Variants in TOR3A observed in about 807,000 individuals in gnomAD.
TOR3A encodes the protein torsin family 3 member A.
In TOR3A, 44 loss-of-function variants were observed where a neutral mutation model predicts 42.1. The ratio of observed to expected loss-of-function variants is 1.04; its 90% CI spans 0.82 to 1.34. The LOEUF (loss-of-function observed/expected upper bound fraction) is 1.34, where lower values mean the gene tolerates loss of function less well. TOR3A is among the 40% of genes most tolerant of loss of function. The pLI, the probability that TOR3A is intolerant of heterozygous loss-of-function variation, is 0.00. For missense variants in TOR3A, 521 were observed against 507.6 expected (o/e 1.03, Z -0.25); for synonymous variants, 227 against 213.2 (o/e 1.06, Z -0.57).
In TOR3A at chr1:179,083,594, G is replaced by C. The variant is rs960942401; in HGVS notation, c.373+541G>C. Among the ~76,000 whole-genome samples the C allele has an allele frequency of 1.8e-4, 23 of 125,662 alleles. 3 individuals carry two copies. Among genetic ancestry groups the C allele is most frequent in the South Asian group, 3.1e-4 (1 of 3,208 alleles). The allele number at this position is 125,662 out of a possible 152,430, so 82.4% of individuals were successfully genotyped here. On this transcript the variant is annotated intron_variant, in intron 2 of 5. Transcript: ENST00000367627. Reference sequence around the variant, plus strand: ...TTTTAGTAGAGGCGGGGGGGGGGGGGGGGGGCGGGTTTCACCATGTTGGCC... The same window carrying C: ...TTTTAGTAGAGGCGGGGGGGGGGGGCGGGGGCGGGTTTCACCATGTTGGCC...
chr1:179,086,621 G>C (rs1334577805), intron 3 of TOR3A, among the ~76,000 whole-genome samples: 10 of 149,058 alleles, frequency 6.7e-5, no homozygotes, highest in Admixed American at 3.4e-4. Flanking sequence ...AGCCGAGATC[G>C]TGCCGCTGCA....
chr1:179,086,863 C>T (rs1002243785), intron 3 of TOR3A, among the ~76,000 whole-genome samples: 12 of 152,130 alleles, frequency 7.9e-5, no homozygotes. Flanking sequence ...ATTGACTGCA[C>T]CTGTCTTTGG....
intron 2 of TOR3A, among the ~76,000 whole-genome samples, chr1:179,084,679 C>A (rs1223049938): frequency 1.3e-5 from 2 of 152,160 alleles, no homozygotes; most frequent in Non-Finnish European, 2.9e-5. Flanking sequence ...ATGTGTGATG[C>A]CCTCAATGTT....
At chr1:179,088,859 T>C (rs1461065671) in intron 4 of TOR3A, among the ~76,000 whole-genome samples, 1 of 152,200 alleles carries the variant, frequency 6.6e-6, no homozygotes, top group Non-Finnish European at 1.5e-5. Context: ...TGGGCCCTTG[T>C]TGACCCAATT....
chr1:179,092,489 C>CT (rs1311774064), intron 4 of TOR3A, among the ~76,000 whole-genome samples: 1 of 152,154 alleles, frequency 6.6e-6, no homozygotes, highest in Non-Finnish European at 1.5e-5. Flanking sequence ...CTTTGGGAGA[C>CT]TGAGGTGGGA....
At position 179,082,142 on chromosome 1, in the gene TOR3A, C is replaced by T. The variant is rs765829637; in HGVS notation, c.14C>T (p.Pro5Leu). 4 of 1,504,488 alleles carry T rather than the reference C, an allele frequency of 2.7e-6. No individual in the cohort carries two copies. The Admixed American group carries it at 6.3e-5, about 24-fold the overall frequency. The allele number at this position is 1,504,488 out of a possible 1,614,324, so 93.2% of individuals were successfully genotyped here. Residue 5 changes from proline to leucine, a missense_variant, in exon 1 of 6, where the codon CCG becomes CTG. By Grantham distance (98) the Pro-to-Leu change is moderately conservative (BLOSUM62 -3). Transcript: ENST00000367627. ...TCGGGGCCGGCCATGCTTCGCGGTC[C>T]GTGGCGCCAGCTTTGGCTCTTTTTC... Reference protein sequence around the residue: MLRGPWRQLWLFFLL... With the variant: MLRGLWRQLWLFFLL...
Position 179,083,054 on chromosome 1 carries a change from G to T in TOR3A, c.373+1G>T, listed in dbSNP as rs771712327. On this transcript the variant is annotated splice_donor_variant, in intron 2 of 5. Coordinates refer to ENST00000367627, the MANE Select transcript of TOR3A (RefSeq NM_022371.4). LOFTEE classifies it high-confidence loss of function. The stretch of plus-strand genomic sequence containing the variant: ...TGCAGAATCTCCAACAACTTTACAG[G>T]TTGGACCCCGCATGGCTTCAAGGGG... The T allele has an allele frequency of 4.0e-6, 6 of 1,514,570 alleles. No individual in the cohort carries two copies. Among genetic ancestry groups the T allele is most frequent in the South Asian group, 1.3e-5 (1 of 75,552 alleles). 93.8% of individuals were successfully genotyped at this position (1,514,570 alleles called of 1,614,324 possible).
intron 5 of TOR3A, 98 bp from the exon 6 acceptor site, chr1:179,094,870 C>G: frequency 1.7e-6 from 2 of 1,189,260 alleles, no homozygotes; most frequent in Non-Finnish European, 1.2e-6. Context: ...AGAGCAAGCC[C>G]CTGTTTCAAA....
intron 4 of TOR3A, among the ~76,000 whole-genome samples, chr1:179,089,106 G>A (rs890869877): frequency 6.6e-6 from 1 of 152,136 alleles, no homozygotes; most frequent in Non-Finnish European, 1.5e-5. Flanking sequence ...TAGTTTCGGT[G>A]TGGATTCACA....
chr1:179,087,956 C>T lies in TOR3A; in HGVS notation c.685C>T (p.Gln229Ter), dbSNP rs1288361303. Residue 229 changes from glutamine to a stop codon, truncating the protein, a stop_gained, in exon 4 of 6, where the codon CAG becomes TAG. Coordinates refer to ENST00000367627, the MANE Select transcript of TOR3A (RefSeq NM_022371.4). LOFTEE classifies it high-confidence loss of function. ...QIRETQQLCH[Q>*]TLFIFDEAEK... The stretch of plus-strand genomic sequence containing the variant: ...CCGGGAGACGCAGCAGCTCTGCCAC[C>T]AGACCCTGTTCATCTTCGATGAAGC... 4 of 1,611,208 alleles carry T rather than the reference C, an allele frequency of 2.5e-6. No individual in the cohort carries two copies. Among genetic ancestry groups the T allele is most frequent in the South Asian group, 1.1e-5 (1 of 90,738 alleles).
rs745844058 is a variant in TOR3A at position 179,085,746 on chromosome 1, G to A, written c.492G>A (p.Ser164=). Residue 164 remains serine, a synonymous_variant, in exon 3 of 6, where the codon TCG becomes TCA. Coordinates refer to ENST00000367627, the MANE Select transcript of TOR3A (RefSeq NM_022371.4). ...AGCCAGAAAAGGCCCTTGCTCTGTC[G>A]TTCCACGGCTGGTCTGGCACAGGCA... is the stretch of plus-strand genomic sequence containing the variant. ...TPQPEKALAL[S]FHGWSGTGKN... 2.8e-5 allele frequency: 46 copies of A among 1,614,098 alleles called. No homozygotes were observed. The Middle Eastern group carries it at 4.9e-4, about 17-fold the overall frequency.
Position 179,088,102 on chromosome 1 carries a change from G to A in TOR3A, c.818+13G>A. 6.4e-7 allele frequency: 1 copy of A among 1,559,522 alleles called. No individual in the cohort carries two copies. Among genetic ancestry groups the A allele is most frequent in the Non-Finnish European group, 8.7e-7 (1 of 1,153,108 alleles). On this transcript the variant is annotated intron_variant, in intron 4 of 5. Transcript: ENST00000367627. ...TTCTGTTTCTCAGGTGGGTTCTGGG[G>A]AACAATAGTCAGGAGGGCTGGGGGA...
intron 2 of TOR3A, 70 bp from the exon 3 acceptor site, chr1:179,085,558 G>T: frequency 5.1e-6 from 8 of 1,568,988 alleles, no homozygotes; most frequent in Non-Finnish European, 7.0e-6. Context: ...TTGGTTTCTT[G>T]GCTGTTGGCT....
At chr1:179,087,860 G>A (rs770944659) in intron 3 of TOR3A, 51 bp from the exon 4 acceptor site, 120 of 1,491,242 alleles carry the variant, frequency 8.0e-5, no homozygotes, top group Admixed American at 4.7e-5. Context: ...CCTCAAGGCC[G>A]GAGGTGGAAG....
Position 179,095,329 on chromosome 1 carries a change from C to T in TOR3A, c.*111C>T. On this transcript the variant is annotated 3_prime_UTR_variant, in exon 6 of 6. Transcript: ENST00000367627. Reference sequence around the variant, plus strand: ...GGTGTTTGAGGGTGTGGACTGGCATCCAGCAGCCACTAACAAACACACAAC... The same window carrying T: ...GGTGTTTGAGGGTGTGGACTGGCATTCAGCAGCCACTAACAAACACACAAC... 6.5e-7 allele frequency: 1 copy of T among 1,534,404 alleles called. No individual in the cohort carries two copies. Among genetic ancestry groups the T allele is most frequent in the Non-Finnish European group, 8.7e-7 (1 of 1,147,372 alleles).
Position 179,095,065 on chromosome 1 carries a change from A to T in TOR3A, c.1041A>T (p.Ala347=), listed in dbSNP as rs191815869. The change falls in exon 6 of 6, where the codon GCA becomes GCT. Residue 347 remains alanine, a synonymous_variant. Coordinates refer to ENST00000367627, the MANE Select transcript of TOR3A (RefSeq NM_022371.4). ...PLEYRHVRLC[A]RDAFLSQELL... is the part of the protein sequence containing the mutation. ...AGTACCGTCACGTGAGGCTGTGTGC[A>T]CGGGATGCCTTCCTGAGCCAGGAGC... is the stretch of plus-strand genomic sequence containing the variant. 71 of 1,614,192 alleles carry T rather than the reference A, an allele frequency of 4.4e-5. No individual in the cohort carries two copies. In the Admixed American group the frequency reaches 9.7e-4, roughly 22 times the overall value.
intron 5 of TOR3A, among the ~76,000 whole-genome samples, chr1:179,094,434 G>A (rs1293019130): frequency 6.6e-6 from 1 of 152,198 alleles, no homozygotes; most frequent in African/African-American, 2.4e-5. Flanking sequence ...AGTTTGCACT[G>A]GCCCCAAGAA....
intron 4 of TOR3A, among the ~76,000 whole-genome samples, chr1:179,090,353 C>A (rs1652548068): frequency 1.3e-5 from 2 of 152,244 alleles, no homozygotes; most frequent in African/African-American, 4.8e-5. Flanking sequence ...AGCCTCTCAA[C>A]CTCAAGTTCT....
intron 4 of TOR3A, 82 bp downstream of exon 4, chr1:179,088,171 G>C: frequency 2.1e-6 from 3 of 1,402,960 alleles, no homozygotes; most frequent in Admixed American, 2.6e-5. Flanking sequence ...CACGCCCCCA[G>C]GTTCAGAACC....
Sources: allele counts gnomAD v4.1 joint callset (sites outside exome capture counted in the v4.1 genomes callset), GRCh38; gene constraint gnomAD v4.1.1; transcripts MANE v1.5; gene names NCBI Gene and HGNC (gene_info 2026-07-23, HGNC 2026-07-21).